The following PIK3C3 variants were observed in gnomAD, a reference collection of about 807,000 sequenced individuals.
The protein encoded by PIK3C3 is phosphatidylinositol 3-kinase catalytic subunit type 3.
In PIK3C3, 95 loss-of-function variants were observed where a neutral mutation model predicts 126.1. That is an observed-to-expected ratio of 0.75 (90% CI 0.64 to 0.89). The LOEUF is 0.89. Ranked by LOEUF, PIK3C3 falls within the 40% of genes least tolerant of loss-of-function variation. PIK3C3 has a pLI of 0.00. For missense variants in PIK3C3, 829 were observed against 1,063.2 expected (o/e 0.78, Z 3.06); for synonymous variants, 374 against 360.0 (o/e 1.04, Z -0.44).
At position 42,027,488 on chromosome 18, in the gene PIK3C3, T is replaced by C; in HGVS notation, c.1530T>C (p.Asp510=). Residue 510 remains aspartate (D), a synonymous_variant, in exon 14 of 25, where the codon GAT becomes GAC. Coordinates refer to ENST00000262039, the MANE Select transcript of PIK3C3 (RefSeq NM_002647.4). ...ECEDQDTQQR[D]PKTHEMYLNV... is the part of the protein sequence containing the mutation. ...AAGATCAAGATACTCAGCAGAGAGA[T>C]CCAAAGACCCATGAGATGTACTTGA... 6.2e-7 allele frequency: 1 copy of C among 1,611,826 alleles called. No homozygotes were observed. Among genetic ancestry groups the C allele is most frequent in the Non-Finnish European group, 8.5e-7 (1 of 1,178,236 alleles).
At position 42,029,369 on chromosome 18, in the gene PIK3C3, A is replaced by C; in HGVS notation, c.1635A>C (p.Gln545His). 1 of 1,613,862 alleles carries C rather than the reference A, an allele frequency of 6.2e-7. No individual in the cohort carries two copies. Among genetic ancestry groups the C allele is most frequent in the Non-Finnish European group, 8.5e-7 (1 of 1,179,872 alleles). ...VRVMRSLLAA[Q>H]QTFVDRLVHL... ...TTATGCGTTCTTTGCTGGCTGCACAACAGACATTTGTAGATCGGTTGGTGC... is the reference window on the plus strand; with the variant it reads ...TTATGCGTTCTTTGCTGGCTGCACACCAGACATTTGTAGATCGGTTGGTGC... Residue 545 changes from glutamine to histidine, a missense_variant, in exon 15 of 25, where the codon CAA (glutamine) becomes CAC (histidine). By Grantham distance (24) the Gln-to-His change is conservative (BLOSUM62 0). This residue lies in a region of PIK3C3 where 256 missense variants were observed against 291.0 expected (regional missense o/e 0.88). Transcript: ENST00000262039.
chr18:42,083,118 T>A lies in PIK3C3; in HGVS notation c.*1981T>A, dbSNP rs1306969678. The A allele has an allele frequency of 6.6e-6, 1 of 152,216 alleles. No homozygotes were observed. The highest frequency in any genetic ancestry group is 1.9e-4 in the East Asian group (1 of 5,188). 9.4% of individuals were successfully genotyped at this position (152,216 alleles called of 1,614,324 possible). On this transcript the variant is annotated 3_prime_UTR_variant, in exon 25 of 25. Coordinates refer to ENST00000262039, the MANE Select transcript of PIK3C3 (RefSeq NM_002647.4). ...TGGTTTTGCTGAGAGATTTTGGCTGTGAGTGACAAGCCTATATCAAAAAGA... is the reference window on the plus strand; with the variant it reads ...TGGTTTTGCTGAGAGATTTTGGCTGAGAGTGACAAGCCTATATCAAAAAGA...
intron 3 of PIK3C3, among the ~76,000 whole-genome samples, chr18:41,967,259 A>G (rs1980416864): frequency 6.6e-6 from 1 of 151,968 alleles, no homozygotes; most frequent in East Asian, 1.9e-4. Flanking sequence ...TGGTGCTGCC[A>G]TCCAGGGAGT....
intron 21 of PIK3C3, among the ~76,000 whole-genome samples, chr18:42,055,140 G>A (rs1985006074): frequency 6.6e-6 from 1 of 152,006 alleles, no homozygotes; most frequent in Non-Finnish European, 1.5e-5. Context: ...TTCATGAATG[G>A]CCTGGTACTG....
intron 4 of PIK3C3, among the ~76,000 whole-genome samples, chr18:41,986,982 C>T (rs1220752139): frequency 6.6e-6 from 1 of 151,902 alleles, no homozygotes; most frequent in Non-Finnish European, 1.5e-5. Context: ...AAATTGGTGG[C>T]AGTGTTTGCT....
chr18:42,081,025 A>C (rs985121770), intron 24 of PIK3C3, 98 bp from the exon 25 acceptor site: 1 of 703,006 alleles, frequency 1.4e-6, no homozygotes, highest in Non-Finnish European at 2.4e-6. Flanking sequence ...TGCACTTTTT[A>C]TTTTATTAGT....
chr18:42,035,334 T>C (rs886778489), intron 16 of PIK3C3, among the ~76,000 whole-genome samples: 5 of 152,134 alleles, frequency 3.3e-5, no homozygotes, highest in Non-Finnish European at 7.4e-5. Context: ...ATTAAAAAAG[T>C]AATTTTACCA....
intron 12 of PIK3C3, among the ~76,000 whole-genome samples, chr18:42,020,322 A>T (rs1983264182): frequency 6.6e-6 from 1 of 152,058 alleles, no homozygotes; most frequent in Admixed American, 6.6e-5. Flanking sequence ...CCTGAATGTC[A>T]TGTCTTCATT....
chr18:42,010,125 A>G (rs1982752487), intron 10 of PIK3C3, among the ~76,000 whole-genome samples: 1 of 152,198 alleles, frequency 6.6e-6, no homozygotes, highest in Non-Finnish European at 1.5e-5. Context: ...TGCTTTAACA[A>G]CTATGTTTAT....
rs140047264 is a variant in PIK3C3 at position 42,000,002 on chromosome 18, C to T, written c.984+3272C>T. On this transcript the variant is annotated intron_variant, in intron 9 of 24. Transcript: ENST00000262039. ...ACCCTTAGGAATTCAATTTTACTGG[C>T]GACAAGAAACGACTAAAGCAGGAAA... 3.3e-3 allele frequency among the ~76,000 whole-genome samples: 502 copies of T among 152,162 alleles called. 1 individual carries two copies. Among genetic ancestry groups the T allele is most frequent in the African/African-American group, 0.011 (466 of 41,524 alleles).
chr18:41,967,607 A>G (rs1385766746), intron 3 of PIK3C3, among the ~76,000 whole-genome samples: 1 of 152,224 alleles, frequency 6.6e-6, no homozygotes, highest in Non-Finnish European at 1.5e-5. Flanking sequence ...TATGAGGCAG[A>G]ACTTCTTGGA....
Position 42,049,324 on chromosome 18 carries a change from A to G in PIK3C3, c.2189-207A>G. The stretch of plus-strand genomic sequence containing the variant: ...ATGCAAGTGACTTTTGTAATTTAAC[A>G]GAATTCTACAAGATTTTCTCTTTTA... On this transcript the variant is annotated intron_variant, in intron 20 of 24. Coordinates refer to ENST00000262039, the MANE Select transcript of PIK3C3 (RefSeq NM_002647.4). 7.6e-6 allele frequency: 3 copies of G among 396,060 alleles called. No homozygotes were observed. In the East Asian group the frequency reaches 1.2e-4, roughly 16 times the overall value. 24.5% of individuals were successfully genotyped at this position (396,060 alleles called of 1,614,324 possible).
chr18:42,036,819 T>A (rs1984075023), intron 16 of PIK3C3, among the ~76,000 whole-genome samples: 1 of 152,090 alleles, frequency 6.6e-6, no homozygotes, highest in Non-Finnish European at 1.5e-5. Flanking sequence ...AGATTGAGCA[T>A]CTCTAATCCA....
Position 41,962,576 on chromosome 18 carries a change from T to G in PIK3C3, c.345T>G (p.Gly115=), listed in dbSNP as rs1980147975. Residue 115 remains glycine, a synonymous_variant, in exon 3 of 25, where the codon GGT becomes GGG. Transcript: ENST00000262039. The part of the protein sequence containing the change: ...QVALTIWDVY[G]PGKAVPVGGT... ...CCCTCACCATATGGGATGTGTATGG[T>G]CCCGGAAAAGCAGTGCCTGTAGGAG... is the stretch of plus-strand genomic sequence containing the variant. 3.1e-6 allele frequency: 5 copies of G among 1,613,698 alleles called. No individual in the cohort carries two copies. Among genetic ancestry groups the G allele is most frequent in the Non-Finnish European group, 4.2e-6 (5 of 1,179,754 alleles).
At chr18:42,013,348 A>C in intron 10 of PIK3C3, 94 bp from the exon 11 acceptor site, 1 of 770,912 alleles carries the variant, frequency 1.3e-6, no homozygotes, top group Non-Finnish European at 2.1e-6. Context: ...GATAGATAAA[A>C]GTAAAATGTT....
intron 3 of PIK3C3, among the ~76,000 whole-genome samples, chr18:41,963,433 T>C (rs1300385745): frequency 6.6e-6 from 1 of 152,166 alleles, no homozygotes; most frequent in Non-Finnish European, 1.5e-5. Flanking sequence ...GCTCAAAAAA[T>C]CTCATTTTTG....
intron 6 of PIK3C3, among the ~76,000 whole-genome samples, chr18:41,991,277 A>G (rs1362238562): frequency 6.6e-6 from 1 of 152,154 alleles, no homozygotes; most frequent in Non-Finnish European, 1.5e-5. Context: ...TAATTCCAGC[A>G]CTGTGGTTGG....
chr18:42,038,685 A>T, intron 17 of PIK3C3, 96 bp from the exon 18 acceptor site: 2 of 748,228 alleles, frequency 2.7e-6, no homozygotes, highest in Middle Eastern at 3.6e-4. Context: ...AACTTCCTAA[A>T]TCTTTATTAC....
chr18:41,990,649 T>G, intron 6 of PIK3C3, 95 bp downstream of exon 6: 1 of 685,538 alleles, frequency 1.5e-6, no homozygotes. Context: ...ATTATTTGGT[T>G]GCAGGGTAGC....
Sources: allele counts gnomAD v4.1 joint callset (sites outside exome capture counted in the v4.1 genomes callset), GRCh38; gene constraint gnomAD v4.1.1; regional missense constraint gnomAD v4.1.1; transcripts MANE v1.5; gene names NCBI Gene and HGNC (gene_info 2026-07-23, HGNC 2026-07-21).